Variants in BAZ2B observed in about 807,000 individuals in gnomAD.
The protein encoded by BAZ2B is bromodomain adjacent to zinc finger domain protein 2B.
A neutral mutation model predicts 246.0 loss-of-function variants in BAZ2B; 91 were observed. That is an observed-to-expected ratio of 0.37 (90% CI 0.31 to 0.44). The LOEUF (loss-of-function observed/expected upper bound fraction) is 0.44. Ranked by LOEUF, BAZ2B falls within the 20% of genes least tolerant of loss-of-function variation. The probability of loss-of-function intolerance (pLI) is 1.00; values close to 1 mark genes in which losing one functional copy is unlikely to be tolerated. For missense variants in BAZ2B, 2,332 were observed against 2,533.7 expected (o/e 0.92, Z 1.71); for synonymous variants, 855 against 860.0 (o/e 0.99, Z 0.10).
At chr2:159,697,775 T>A in the BAZ2B span, among the ~76,000 whole-genome samples, 1 of 152,184 alleles carries the variant, frequency 6.6e-6, no homozygotes, top group Non-Finnish European at 1.5e-5. Context: ...TACCTTGGAA[T>A]CCTCATTTTA....
chr2:159,655,120 TA>T, the BAZ2B span, among the ~76,000 whole-genome samples: 1 of 151,924 alleles, frequency 6.6e-6, no homozygotes, highest in Non-Finnish European at 1.5e-5. Flanking sequence ...CAAAATAACT[TA>T]AACAAACATG....
At chr2:159,699,216 T>G in the BAZ2B span, among the ~76,000 whole-genome samples, 2 of 152,168 alleles carry the variant, frequency 1.3e-5, no homozygotes, top group African/African-American at 4.8e-5. Context: ...AAATCAATAC[T>G]TAGGTTGCTC....
chr2:159,388,116 TA>T (rs1385383378), intron 21 of BAZ2B, among the ~76,000 whole-genome samples: 1 of 151,630 alleles, frequency 6.6e-6, no homozygotes, highest in Non-Finnish European at 1.5e-5. Context: ...CCCTAAAACT[TA>T]AAGTATAATA....
At chr2:159,366,025 T>C (rs2060184394) in intron 27 of BAZ2B, among the ~76,000 whole-genome samples, 1 of 152,240 alleles carries the variant, frequency 6.6e-6, no homozygotes, top group Non-Finnish European at 1.5e-5. Context: ...CTGGAAATTC[T>C]ACTCCCAGAT....
chr2:159,449,357 T>A (rs934346202), intron 4 of BAZ2B, among the ~76,000 whole-genome samples: 1 of 152,126 alleles, frequency 6.6e-6, no homozygotes, highest in Non-Finnish European at 1.5e-5. Context: ...CCAAAAGATA[T>A]GGGGTATTTT....
At chr2:159,552,290 T>C (rs1186766673) in intron 2 of BAZ2B, among the ~76,000 whole-genome samples, 1 of 152,138 alleles carries the variant, frequency 6.6e-6, no homozygotes, top group Non-Finnish European at 1.5e-5. Context: ...ATCACTAATA[T>C]ACATAATGTA....
rs373250469 is a variant in BAZ2B, at chr2:159,474,359, A to G, written c.145+4216T>C. 3.3e-4 allele frequency among the ~76,000 whole-genome samples: 50 copies of G among 152,208 alleles called. 1 individual carries two copies. The highest frequency in any genetic ancestry group is 1.2e-3 in the African/African-American group (49 of 41,528). On this transcript the variant is annotated intron_variant, in intron 3 of 36. Transcript: ENST00000392783. ...TCTTTGTTGGTTTAAAGTCTGTTTT[A>G]TCAGAGAGCAGGACTGCAACCCCTG...
At chr2:159,358,423 T>C (rs2149256423) in intron 27 of BAZ2B, among the ~76,000 whole-genome samples, 1 of 152,282 alleles carries the variant, frequency 6.6e-6, no homozygotes, top group Admixed American at 6.5e-5. Flanking sequence ...CTATCCTAAA[T>C]ATGTATGCAC....
intron 2 of BAZ2B, among the ~76,000 whole-genome samples, chr2:159,504,200 T>C (rs1226962094): frequency 6.6e-6 from 1 of 152,098 alleles, no homozygotes; most frequent in African/African-American, 2.4e-5. Flanking sequence ...TTAGGGTACA[T>C]GTGCACAATG....
chr2:159,629,063 A>G, the BAZ2B span, among the ~76,000 whole-genome samples: 1 of 152,266 alleles, frequency 6.6e-6, no homozygotes, highest in African/African-American at 2.4e-5. Flanking sequence ...GCAAACAAAC[A>G]TATGAAAAAA....
At chr2:159,449,140 C>A (rs2074674603) in intron 4 of BAZ2B, among the ~76,000 whole-genome samples, 1 of 152,038 alleles carries the variant, frequency 6.6e-6, no homozygotes, top group Non-Finnish European at 1.5e-5. Context: ...ATAAAATGAC[C>A]AGTGGTAGAA....
chr2:159,644,746 C>T, the BAZ2B span, among the ~76,000 whole-genome samples: 68 of 152,250 alleles, frequency 4.5e-4, no homozygotes, highest in African/African-American at 1.4e-3. Flanking sequence ...CTGAGATTGA[C>T]GAATACACCC....
intron 2 of BAZ2B, among the ~76,000 whole-genome samples, chr2:159,511,837 T>C (rs1475229202): frequency 6.6e-6 from 1 of 152,174 alleles, no homozygotes; most frequent in Non-Finnish European, 1.5e-5. Flanking sequence ...AACAACATTT[T>C]TGTTTACTTA....
intron 2 of BAZ2B, among the ~76,000 whole-genome samples, chr2:159,510,553 G>C (rs909075385): frequency 2.6e-5 from 4 of 152,158 alleles, no homozygotes; most frequent in African/African-American, 7.2e-5. Context: ...TGGTTGTACA[G>C]CGCTGTGAAT....
intron 13 of BAZ2B, among the ~76,000 whole-genome samples, chr2:159,426,370 AAT>A (rs1370455404): frequency 6.6e-6 from 1 of 152,164 alleles, no homozygotes; most frequent in Non-Finnish European, 1.5e-5. Flanking sequence ...TGGCATAAAT[AAT>A]ACAAGTAAGA....
At position 159,433,158 on chromosome 2, in the gene BAZ2B, CTT is replaced by C; in HGVS notation, c.1497_1498del (p.Ser500CysfsTer14). 1 of 1,614,148 alleles carries C rather than the reference CTT, an allele frequency of 6.2e-7. No individual in the cohort carries two copies. Among genetic ancestry groups the C allele is most frequent in the Non-Finnish European group, 8.5e-7 (1 of 1,180,026 alleles). On this transcript the variant is annotated frameshift_variant, in exon 9 of 37. Coordinates refer to ENST00000392783, the MANE Select transcript of BAZ2B (RefSeq NM_013450.4). LOFTEE classifies it high-confidence loss of function. ...TGCTAGAGGAGCTTCTTGAATGACA[CTT>C]TGAATAACTCCATTTGGTTGGTGAT... is the stretch of plus-strand genomic sequence containing the variant.
At chr2:159,454,827 T>C (rs1014508750) in intron 3 of BAZ2B, among the ~76,000 whole-genome samples, 10 of 152,212 alleles carry the variant, frequency 6.6e-5, no homozygotes, top group African/African-American at 1.9e-4. Flanking sequence ...AGTAAGACAA[T>C]GTTCAATTCA....
At chr2:159,609,518 C>T (rs933074768) in intron 1 of BAZ2B, among the ~76,000 whole-genome samples, 2 of 152,068 alleles carry the variant, frequency 1.3e-5, no homozygotes, top group Non-Finnish European at 2.9e-5. Context: ...ATATTATTAG[C>T]AATATTTCCA....
intron 31 of BAZ2B, among the ~76,000 whole-genome samples, chr2:159,345,015 GC>G (rs1247157099): frequency 1.3e-5 from 2 of 152,062 alleles, no homozygotes; most frequent in Admixed American, 6.6e-5. Context: ...TTTGAGACCA[GC>G]CTGACCAACA....
Sources: allele counts gnomAD v4.1 joint callset (sites outside exome capture counted in the v4.1 genomes callset), GRCh38; gene constraint gnomAD v4.1.1; transcripts MANE v1.5; gene names NCBI Gene and HGNC (gene_info 2026-07-23, HGNC 2026-07-21).